The following MTFR1 variants were observed in gnomAD, a reference collection of about 807,000 sequenced individuals.
MTFR1 encodes the protein chondrocyte protein with a poly-proline region.
In MTFR1, 28 loss-of-function variants were observed where a neutral mutation model predicts 38.8. That is an observed-to-expected ratio of 0.72 (90% CI 0.53 to 0.99). The LOEUF (loss-of-function observed/expected upper bound fraction) is 0.99. Ranked by LOEUF, MTFR1 falls within the 50% of genes least tolerant of loss-of-function variation. The pLI is 0.00. For missense variants in MTFR1, 358 were observed against 395.5 expected (o/e 0.91, Z 0.81); for synonymous variants, 145 against 137.0 (o/e 1.06, Z -0.41).
intron 5 of MTFR1, among the ~76,000 whole-genome samples, chr8:65,706,247 G>A (rs189107797): frequency 8.5e-5 from 13 of 152,128 alleles, no homozygotes; most frequent in Admixed American, 8.5e-4. Context: ...TGGCTGACTG[G>A]GAAAGTGCTA....
chr8:65,691,977 T>C (rs755930888), intron 3 of MTFR1, among the ~76,000 whole-genome samples: 2 of 152,232 alleles, frequency 1.3e-5, no homozygotes, highest in Non-Finnish European at 2.9e-5. Context: ...ACATGATATA[T>C]TTTGTGTTTA....
chr8:65,668,525 C>CTTTTTTT (rs144265003), intron 1 of MTFR1, among the ~76,000 whole-genome samples: 2 of 127,022 alleles, frequency 1.6e-5, no homozygotes, highest in Non-Finnish European at 3.2e-5. Flanking sequence ...TTTCTTTTTT[C>CTTTTTTT]TTTTTTTTTT....
chr8:65,761,121 G>A (rs144252392), intron 3 of MTFR1, among the ~76,000 whole-genome samples: 8,023 of 151,198 alleles, frequency 0.053, 306 homozygotes, highest in Middle Eastern at 0.096. Flanking sequence ...GTGCAGTGGC[G>A]CAATCTCAGC....
the MTFR1 span, among the ~76,000 whole-genome samples, chr8:65,776,392 T>G: frequency 1.3e-5 from 2 of 152,178 alleles, no homozygotes; most frequent in Admixed American, 1.3e-4. Context: ...AGATGTAAAC[T>G]CCATAATTTC....
intron 1 of MTFR1, among the ~76,000 whole-genome samples, chr8:65,667,466 C>T (rs759816906): frequency 7.3e-5 from 11 of 151,414 alleles, no homozygotes; most frequent in Non-Finnish European, 1.6e-4. Flanking sequence ...ATGCTCTTGT[C>T]ACCCAGGCTG....
chr8:65,737,116 A>AAACT (rs1026835736), intron 3 of MTFR1, among the ~76,000 whole-genome samples: 1 of 152,004 alleles, frequency 6.6e-6, no homozygotes, highest in African/African-American at 2.4e-5. Flanking sequence ...TCAAACAAAC[A>AAACT]AACTAACTAA....
At chr8:65,771,884 C>CAAAAAAAAAAAAAAAAA (rs36101490), downstream of MTFR1, among the ~76,000 whole-genome samples, 3 of 55,790 alleles carry the variant, frequency 5.4e-5, no homozygotes, top group Non-Finnish European at 1.1e-4. Flanking sequence ...CTCCATCTCT[C>CAAAAAAAAAAAAAAAAA]AAAAAAAAAA....
chr8:65,689,103 C>A (rs1805193957), intron 3 of MTFR1, among the ~76,000 whole-genome samples: 1 of 152,148 alleles, frequency 6.6e-6, no homozygotes, highest in Non-Finnish European at 1.5e-5. Context: ...TGAGATTGCG[C>A]CACTGCACTC....
intron 1 of MTFR1, among the ~76,000 whole-genome samples, chr8:65,647,849 C>A (rs986887272): frequency 1.3e-5 from 2 of 151,802 alleles, no homozygotes; most frequent in East Asian, 3.9e-4. Context: ...TAAAGATAAC[C>A]ACTTGATGGG....
chr8:65,719,289 G>T, intron 2 of MTFR1: 9 of 1,609,598 alleles, frequency 5.6e-6, no homozygotes, highest in Non-Finnish European at 7.7e-6. Flanking sequence ...GGTTCTGGGG[G>T]TTATGATAAC....
chr8:65,724,866 G>A (rs1168190421), intron 3 of MTFR1: 2 of 1,610,416 alleles, frequency 1.2e-6, no homozygotes, highest in Non-Finnish European at 1.7e-6. Context: ...TACTCATTCT[G>A]GCGACTGATG....
intron 3 of MTFR1, among the ~76,000 whole-genome samples, chr8:65,744,225 CAA>C (rs1416818902): frequency 6.7e-6 from 1 of 150,254 alleles, no homozygotes; most frequent in African/African-American, 2.5e-5. Context: ...CAAAACAAAA[CAA>C]AACAAAACAA....
At chr8:65,662,002 C>CCTCCCCCTCTCT (rs1809428008) in intron 1 of MTFR1, among the ~76,000 whole-genome samples, 1 of 139,114 alleles carries the variant, frequency 7.2e-6, no homozygotes. Flanking sequence ...AAGCCCTCTC[C>CCTCCCCCTCTCT]CTCTCCCTCT....
chr8:65,710,988 T>TAGAGAGAGAGAG (rs68005266), downstream of MTFR1, among the ~76,000 whole-genome samples: 2 of 147,910 alleles, frequency 1.4e-5, no homozygotes, highest in Admixed American at 1.3e-4. Flanking sequence ...CATATATATA[T>TAGAGAGAGAGAG]ATAGAGAGAG....
intron 3 of MTFR1, among the ~76,000 whole-genome samples, chr8:65,720,760 G>C (rs1470039250): frequency 1.3e-5 from 2 of 152,188 alleles, no homozygotes; most frequent in Admixed American, 1.3e-4. Flanking sequence ...AGGAGAAAGA[G>C]ATAACAAACA....
intron 1 of MTFR1, among the ~76,000 whole-genome samples, chr8:65,655,677 C>T (rs1240735250): frequency 1.3e-5 from 2 of 151,652 alleles, no homozygotes; most frequent in Non-Finnish European, 2.9e-5. Context: ...GGTCAAGGTG[C>T]AGTGGCTAAA....
At chr8:65,751,512 G>A (rs191130760) in intron 3 of MTFR1, among the ~76,000 whole-genome samples, 1 of 148,558 alleles carries the variant, frequency 6.7e-6, no homozygotes, top group East Asian at 2.0e-4. Flanking sequence ...ATCTCTTGTT[G>A]CCCATTCTTG....
At chr8:65,759,115 T>C (rs1023386654) in intron 3 of MTFR1, among the ~76,000 whole-genome samples, 4 of 152,252 alleles carry the variant, frequency 2.6e-5, no homozygotes, top group Non-Finnish European at 5.9e-5. Context: ...GCTTGCATTT[T>C]ACGTCTTTTC....
chr8:65,768,356 G>A (rs1181515233), intron 3 of MTFR1, among the ~76,000 whole-genome samples: 1 of 152,146 alleles, frequency 6.6e-6, no homozygotes, highest in Admixed American at 6.5e-5. Flanking sequence ...TTGTGGGAGG[G>A]ACCTGGTAGG....
Sources: allele counts gnomAD v4.1 joint callset (sites outside exome capture counted in the v4.1 genomes callset), GRCh38; gene constraint gnomAD v4.1.1; transcripts MANE v1.5; gene names NCBI Gene and HGNC (gene_info 2026-07-23, HGNC 2026-07-21).